The following RCE1 variants were observed in gnomAD, a reference collection of about 807,000 sequenced individuals.
RCE1 encodes CAAX prenyl protease 2.
A neutral mutation model predicts 35.0 loss-of-function variants in RCE1; 15 were observed. That is an observed-to-expected ratio of 0.43 (90% CI 0.29 to 0.66). The LOEUF (loss-of-function observed/expected upper bound fraction) is 0.66. Ranked by LOEUF, RCE1 falls within the 30% of genes least tolerant of loss-of-function variation. The pLI is 0.17. For missense variants in RCE1, 434 were observed against 433.0 expected, an observed-to-expected ratio of 1.00 and a Z score of -0.02; for synonymous variants, 261 against 192.7, an observed-to-expected ratio of 1.35 and a Z score of -2.94.
Position 66,843,502 on chromosome 11 carries a change from G to A in RCE1, c.47G>A (p.Arg16Gln). 6.7e-7 allele frequency: 1 copy of A among 1,487,786 alleles called. No individual in the cohort carries two copies. Among genetic ancestry groups the A allele is most frequent in the Non-Finnish European group, 8.9e-7 (1 of 1,129,666 alleles). The allele number at this position is 1,487,786 out of a possible 1,614,324, so 92.2% of individuals were successfully genotyped here. A position where few individuals can be genotyped will look rare whatever the true frequency, so the allele number is the denominator to read the frequency against. ...GDGLRLLSVS[R>Q]PERPPESAAL... ...GGGCTGCGACTGCTGTCGGTGTCGC[G>A]GCCGGAGCGGCCGCCCGAGTCGGCG... Residue 16 changes from arginine (R) to glutamine (Q), a missense_variant, in exon 1 of 8, where the codon CGG becomes CAG. Physicochemically the swap from Arg to Gln is conservative, Grantham distance 43. Transcript: ENST00000309657.
intron 4 of RCE1, 121 bp downstream of exon 4, chr11:66,844,485 C>T: frequency 7.4e-7 from 1 of 1,355,134 alleles, no homozygotes. Context: ...GGTGTGTTTT[C>T]TCATCAGTAA....
chr11:66,844,553 C>T (rs1946005076), intron 4 of RCE1, 189 bp downstream of exon 4: 2 of 767,478 alleles, frequency 2.6e-6, no homozygotes, highest in African/African-American at 1.8e-5. Flanking sequence ...CCAAGGAGTT[C>T]CCTGGGAACC....
intron 4 of RCE1, 35 bp from the exon 5 acceptor site, chr11:66,844,834 C>T (rs774550185): frequency 2.0e-5 from 30 of 1,504,970 alleles, no homozygotes; most frequent in Middle Eastern, 4.6e-4. Flanking sequence ...TCTGACAGCC[C>T]GTCACTCACA....
intron 7 of RCE1, 123 bp downstream of exon 7, chr11:66,845,685 G>A (rs376153390): frequency 1.7e-5 from 26 of 1,520,106 alleles, no homozygotes; most frequent in East Asian, 2.3e-5. Context: ...CTGAGCCAGA[G>A]CCCTCAGCCT....
chr11:66,844,108 T>C, intron 3 of RCE1, 69 bp downstream of exon 3: 1 of 1,609,098 alleles, frequency 6.2e-7, no homozygotes, highest in Non-Finnish European at 8.5e-7. Flanking sequence ...CCGTGGACTC[T>C]TGTTTTTGGT....
chr11:66,843,886 C>T (rs769534183), intron 2 of RCE1, 25 bp downstream of exon 2: 8 of 1,614,054 alleles, frequency 5.0e-6, no homozygotes, highest in South Asian at 2.2e-5. Context: ...GGGCAAAGGG[C>T]AACGGCGGTG....
rs556455191 is a variant in RCE1, at chr11:66,845,463, G to C, written c.692-37G>C. ...TATGTAGTGTGGGGGCAGGAAGGGC[G>C]TGCAGGTGTGGTCACTCGTGGCCTC... On this transcript the variant is annotated intron_variant, in intron 6 of 7. Coordinates refer to ENST00000309657, the MANE Select transcript of RCE1 (RefSeq NM_005133.3). 4.3e-6 allele frequency: 7 copies of C among 1,614,002 alleles called. No individual in the cohort carries two copies. In the South Asian group the frequency reaches 4.4e-5, roughly 10 times the overall value.
At chr11:66,845,681 CAG>C in intron 7 of RCE1, 119 bp downstream of exon 7, 2 of 1,524,812 alleles carry the variant, frequency 1.3e-6, no homozygotes, top group Non-Finnish European at 1.8e-6. Context: ...CAGGCTGAGC[CAG>C]AGCCCTCAGC....
chr11:66,846,102 C>A lies in RCE1; in HGVS notation c.*7C>A, dbSNP rs1313714178. ...GGCTCCCCTGTGCTCCTGACCTATGCTCCTGGATACGCTATGAACTCTCAC... is the reference window on the plus strand; with the variant it reads ...GGCTCCCCTGTGCTCCTGACCTATGATCCTGGATACGCTATGAACTCTCAC... On this transcript the variant is annotated 3_prime_UTR_variant, in exon 8 of 8. Coordinates refer to ENST00000309657, the MANE Select transcript of RCE1 (RefSeq NM_005133.3). 1.3e-6 allele frequency: 2 copies of A among 1,595,788 alleles called. No individual in the cohort carries two copies. The highest frequency in any genetic ancestry group is 4.5e-5 in the East Asian group (2 of 44,724).
rs1945206537 is a variant in RCE1 at position 66,846,160 on chromosome 11, G to A, written c.*65G>A. The A allele has an allele frequency of 2.7e-6, 4 of 1,502,990 alleles. No homozygotes were observed. The highest frequency in any genetic ancestry group is 3.5e-6 in the Non-Finnish European group (4 of 1,131,024). 93.1% of individuals were successfully genotyped at this position (1,502,990 alleles called of 1,614,324 possible). ...CCAGCCCTCCCCACCAAGGGGTACTGCAGGGGAAGGGCTGGCTGGGGTCCC... is the reference window on the plus strand; with the variant it reads ...CCAGCCCTCCCCACCAAGGGGTACTACAGGGGAAGGGCTGGCTGGGGTCCC... On this transcript the variant is annotated 3_prime_UTR_variant, in exon 8 of 8. Coordinates refer to ENST00000309657, the MANE Select transcript of RCE1 (RefSeq NM_005133.3).
At chr11:66,845,099 G>A in intron 5 of RCE1, 63 bp downstream of exon 5, 5 of 1,612,768 alleles carry the variant, frequency 3.1e-6, no homozygotes, top group African/African-American at 1.3e-5. Context: ...GGGGCTTGAG[G>A]TGAGGGGCAG....
At chr11:66,845,421 G>T in intron 6 of RCE1, 79 bp from the exon 7 acceptor site, 1 of 1,607,608 alleles carries the variant, frequency 6.2e-7, no homozygotes, top group Non-Finnish European at 8.5e-7. Flanking sequence ...GGGGATGGTC[G>T]GTCTTTGGCT....
intron 3 of RCE1, 27 bp from the exon 4 acceptor site, chr11:66,844,259 A>G: frequency 1.2e-6 from 2 of 1,614,090 alleles, no homozygotes. Flanking sequence ...GCGGTGGGTT[A>G]TGGTGAAAGT....
Position 66,846,094 on chromosome 11 carries a change from G to T in RCE1, c.989G>T (p.Ter330LeuextTer8). Residue 330 changes from the stop codon to leucine (L), a stop_lost, in exon 8 of 8, where the codon TGA (stop) becomes TTA (leucine). Coordinates refer to ENST00000309657, the MANE Select transcript of RCE1 (RefSeq NM_005133.3). ...GACTCAGAGGCTCCCCTGTGCTCCT[G>T]ACCTATGCTCCTGGATACGCTATGA... is the stretch of plus-strand genomic sequence containing the variant. ...AGDSEAPLCS* is the reference protein window; with the variant it reads ...AGDSEAPLCSL The T allele has an allele frequency of 6.2e-7, 1 of 1,604,504 alleles. No individual in the cohort carries two copies. The highest frequency in any genetic ancestry group is 1.1e-5 in the South Asian group (1 of 90,336).
rs1367217569 is a variant in RCE1, at chr11:66,846,480, G to C, written c.*385G>C. On this transcript the variant is annotated 3_prime_UTR_variant, in exon 8 of 8. Transcript: ENST00000309657. Reference sequence around the variant, plus strand: ...TCCTGGGTTTTCTCATTGTCTTTTTGCATCAGTACTTTGTATTGGGATATT... The same window carrying C: ...TCCTGGGTTTTCTCATTGTCTTTTTCCATCAGTACTTTGTATTGGGATATT... 6.0e-6 allele frequency: 1 copy of C among 166,966 alleles called. No homozygotes were observed. Among genetic ancestry groups the C allele is most frequent in the East Asian group, 1.8e-4 (1 of 5,638 alleles). The allele number at this position is 166,966 out of a possible 1,614,324, so 10.3% of individuals were successfully genotyped here. A position where few individuals can be genotyped will look rare whatever the true frequency, so the allele number is the denominator to read the frequency against.
In RCE1 at chr11:66,843,527, G is replaced by A. The variant is rs369200658; in HGVS notation, c.72G>A (p.Ala24=). 11 of 1,509,566 alleles carry A rather than the reference G, an allele frequency of 7.3e-6. No homozygotes were observed. In the African/African-American group the frequency reaches 1.4e-4, roughly 20 times the overall value. 93.5% of individuals were successfully genotyped at this position (1,509,566 alleles called of 1,614,324 possible). A position where few individuals can be genotyped will look rare whatever the true frequency, so the allele number is the denominator to read the frequency against. ...VSRPERPPES[A]ALGGLGPGLC... ...GGCCGGAGCGGCCGCCCGAGTCGGC[G>A]GCGCTGGGCGGCCTGGGCCCCGGGC... is the stretch of plus-strand genomic sequence containing the variant. The change falls in exon 1 of 8, where the codon GCG becomes GCA. Residue 24 remains alanine (A), a synonymous_variant. Transcript: ENST00000309657.
chr11:66,843,514 C>T lies in RCE1; in HGVS notation c.59C>T (p.Pro20Leu). 2 of 1,496,630 alleles carry T rather than the reference C, an allele frequency of 1.3e-6. No individual in the cohort carries two copies. The highest frequency in any genetic ancestry group is 1.8e-6 in the Non-Finnish European group (2 of 1,133,216). The allele number at this position is 1,496,630 out of a possible 1,614,324, so 92.7% of individuals were successfully genotyped here. ...CTGTCGGTGTCGCGGCCGGAGCGGC[C>T]GCCCGAGTCGGCGGCGCTGGGCGGC... Reference protein sequence around the residue: ...RLLSVSRPERPPESAALGGLG... With the variant: ...RLLSVSRPERLPESAALGGLG... The change falls in exon 1 of 8, where the codon CCG (proline) becomes CTG (leucine). Residue 20 changes from proline (P) to leucine (L), a missense_variant. By Grantham distance (98) the Pro-to-Leu change is moderately conservative (BLOSUM62 -3). Coordinates refer to ENST00000309657, the MANE Select transcript of RCE1 (RefSeq NM_005133.3).
Position 66,844,742 on chromosome 11 carries a change from TCAG to T in RCE1, c.452-123_452-121del, listed in dbSNP as rs1198235499. ...TTATGTTGGGTCCACACCCCCGTCC[TCAG>T]CAGTATTGATGCCTAACCTGAGTTT... is the stretch of plus-strand genomic sequence containing the variant. On this transcript the variant is annotated intron_variant, in intron 4 of 7. Transcript: ENST00000309657. 6.8e-5 allele frequency: 89 copies of T among 1,314,994 alleles called. 1 individual carries two copies. The Middle Eastern group carries it at 1.4e-3, about 20-fold the overall frequency. The allele number at this position is 1,314,994 out of a possible 1,614,324, so 81.5% of individuals were successfully genotyped here. A position where few individuals can be genotyped will look rare whatever the true frequency, so the allele number is the denominator to read the frequency against.
chr11:66,843,962 A>G lies in RCE1; in HGVS notation c.295A>G (p.Thr99Ala), dbSNP rs774057378. 1.2e-6 allele frequency: 2 copies of G among 1,614,108 alleles called. No individual in the cohort carries two copies. Among genetic ancestry groups the G allele is most frequent in the South Asian group, 1.1e-5 (1 of 91,088 alleles). The change falls in exon 3 of 8, where the codon ACA (threonine) becomes GCA (alanine). Residue 99 changes from threonine to alanine, a missense_variant. By Grantham distance (58) the Thr-to-Ala change is moderately conservative. Coordinates refer to ENST00000309657, the MANE Select transcript of RCE1 (RefSeq NM_005133.3). ...CCCCTTTCCTGTGGCTCAGCCAGGC[A>G]CATCCCTGCTCACCCTGATGGGCTT... The part of the protein sequence containing the change: ...WRELTGIQPG[T>A]SLLTLMGFRL...
Sources: allele counts gnomAD v4.1 joint callset, GRCh38; gene constraint gnomAD v4.1.1; transcripts MANE v1.5; gene names NCBI Gene and HGNC (gene_info 2026-07-23, HGNC 2026-07-21).